DENND2B: variants seen among roughly 807,000 people sequenced by gnomAD.
The protein encoded by DENND2B is DENN domain containing 2B.
In DENND2B, 32 loss-of-function variants were observed where a neutral mutation model predicts 116.0. The ratio of observed to expected loss-of-function variants is 0.28; its 90% CI spans 0.21 to 0.37. The LOEUF (loss-of-function observed/expected upper bound fraction) is 0.37. Among genes scored for constraint, DENND2B ranks in the 10% least tolerant of loss-of-function variants. DENND2B has a pLI of 1.00. For missense variants in DENND2B, 1,276 were observed against 1,477.7 expected, an observed-to-expected ratio of 0.86 and a Z score of 2.24; for synonymous variants, 588 against 583.9, an observed-to-expected ratio of 1.01 and a Z score of -0.10.
intron 1 of DENND2B, among the ~76,000 whole-genome samples, chr11:8,801,170 G>A (rs1432533280): frequency 6.6e-6 from 1 of 151,784 alleles, no homozygotes; most frequent in East Asian, 1.9e-4. Flanking sequence ...CTCAGAGAGG[G>A]GCCCGCTCAG....
chr11:8,867,349 T>C (rs1245687450), intron 2 of DENND2B, among the ~76,000 whole-genome samples: 1 of 152,156 alleles, frequency 6.6e-6, no homozygotes, highest in Non-Finnish European at 1.5e-5. Context: ...ACAATACGAT[T>C]AACTGGTAAG....
intron 4 of DENND2B, among the ~76,000 whole-genome samples, chr11:8,817,788 C>T (rs1291848460): frequency 1.3e-5 from 2 of 152,082 alleles, no homozygotes; most frequent in Non-Finnish European, 2.9e-5. Flanking sequence ...TCTGTGATAA[C>T]GTTAATATAT....
At position 8,816,520 on chromosome 11, in the gene DENND2B, C is replaced by T. The variant is rs139696224; in HGVS notation, c.-114-5185G>A. On this transcript the variant is annotated intron_variant, in intron 4 of 6. Coordinates refer to the DENND2B transcript ENST00000524757. ...GAGACATCATCGCATCACTGCACTA[C>T]AGCCTGGGTGACAGAGCAAAACTGT... Among the ~76,000 whole-genome samples, 4 of 148,128 alleles carry T rather than the reference C, an allele frequency of 2.7e-5. No individual in the cohort carries two copies. The East Asian group carries it at 7.9e-4, about 29-fold the overall frequency.
rs774224264 is a variant in DENND2B, at chr11:8,707,806, G to A, written c.2401C>T (p.Arg801Cys). 1.8e-5 allele frequency: 29 copies of A among 1,611,450 alleles called. No individual in the cohort carries two copies. The highest frequency in any genetic ancestry group is 6.6e-5 in the South Asian group (6 of 90,314). ...GAAAACAAGCCGAAGCAGCCAAGGCGGCTGATGACACAGTACACCTCTGGC... is the reference window on the plus strand; with the variant it reads ...GAAAACAAGCCGAAGCAGCCAAGGCAGCTGATGACACAGTACACCTCTGGC... ...RLPEVYCVIS[R>C]LGCFGLFSKV... Residue 801 changes from arginine to cysteine, a missense_variant, in exon 12 of 20, where the codon CGC becomes TGC. Transcript: ENST00000313726. The surrounding 1 kb of genome is among the most constrained non-coding windows in gnomAD (Gnocchi z 4.8).
At position 8,717,863 on chromosome 11, in the gene DENND2B, C is replaced by G; in HGVS notation, c.1507G>C (p.Asp503His). The G allele has an allele frequency of 1.9e-6, 3 of 1,612,846 alleles. No homozygotes were observed. Among genetic ancestry groups the G allele is most frequent in the Non-Finnish European group, 2.5e-6 (3 of 1,179,378 alleles). Residue 503 changes from aspartate to histidine, a missense_variant, in exon 5 of 20, where the codon GAT (aspartate) becomes CAT (histidine). By Grantham distance (81) the Asp-to-His change is moderately conservative (BLOSUM62 -1). This residue lies in a region of DENND2B where 856 missense variants were observed against 846.6 expected (regional missense o/e 1.01). Coordinates refer to ENST00000313726, the MANE Select transcript of DENND2B (RefSeq NM_213618.2). ...GDLPKENPYEDVDLKSRRAGR... is the reference protein window; with the variant it reads ...GDLPKENPYEHVDLKSRRAGR... ...GCTCTTCGGCTCTTTAAGTCCACAT[C>G]CTCATATGGATTCTCCTTGGGCAGA...
At chr11:8,766,322 C>A (rs1251966904) in intron 1 of DENND2B, among the ~76,000 whole-genome samples, 1 of 152,122 alleles carries the variant, frequency 6.6e-6, no homozygotes, top group Non-Finnish European at 1.5e-5. Flanking sequence ...AGTGCCTGCA[C>A]ACCAGTTATC....
At chr11:8,871,540 TCAAA>T (rs947390566), upstream of DENND2B, 4 of 152,058 alleles carry the variant, frequency 2.6e-5, no homozygotes, top group Non-Finnish European at 5.9e-5. Context: ...CCGCCGGCCT[TCAAA>T]CAAACCGATG....
At chr11:8,909,281 T>C (rs1302239340) in intron 1 of DENND2B, among the ~76,000 whole-genome samples, 1 of 152,178 alleles carries the variant, frequency 6.6e-6, no homozygotes, top group Non-Finnish European at 1.5e-5. Context: ...AGAGGATCGC[T>C]TGAGCCCAGG....
At chr11:8,865,280 A>T (rs2063535422) in intron 2 of DENND2B, among the ~76,000 whole-genome samples, 1 of 152,058 alleles carries the variant, frequency 6.6e-6, no homozygotes, top group Non-Finnish European at 1.5e-5. Context: ...TTTGATGGTA[A>T]TTTTTTTAAA....
chr11:8,849,963 C>G (rs2062950328), intron 3 of DENND2B, among the ~76,000 whole-genome samples: 1 of 150,968 alleles, frequency 6.6e-6, no homozygotes, highest in Non-Finnish European at 1.5e-5. Flanking sequence ...GGTGAAACCC[C>G]GTCTCTAGAA....
chr11:8,847,269 A>G (rs2062848774), intron 3 of DENND2B, among the ~76,000 whole-genome samples: 1 of 152,198 alleles, frequency 6.6e-6, no homozygotes, highest in South Asian at 2.1e-4. Flanking sequence ...TAATCTTAAC[A>G]AGAATGAAAT....
chr11:8,758,803 T>G (rs1447235889), intron 1 of DENND2B, among the ~76,000 whole-genome samples: 1 of 152,070 alleles, frequency 6.6e-6, no homozygotes, highest in Non-Finnish European at 1.5e-5. Flanking sequence ...TCCACTCGGC[T>G]CTAACCTGAC....
chr11:8,726,363 G>T, intron 3 of DENND2B, 154 bp from the exon 4 acceptor site: 1 of 972,370 alleles, frequency 1.0e-6, no homozygotes, highest in East Asian at 2.7e-5. Flanking sequence ...CCATCCAAAT[G>T]AAGAGACAGA....
chr11:8,832,539 T>A (rs933619410), intron 4 of DENND2B: 1 of 151,896 alleles, frequency 6.6e-6, no homozygotes, highest in Non-Finnish European at 1.5e-5. Context: ...AAAAGGGAAT[T>A]CCACCTTCAA....
At chr11:8,885,799 C>T (rs1198215353) in intron 1 of DENND2B, among the ~76,000 whole-genome samples, 2 of 151,978 alleles carry the variant, frequency 1.3e-5, no homozygotes, top group African/African-American at 4.8e-5. Context: ...GGTTCTTTTT[C>T]ATAGTAAAGA....
intron 3 of DENND2B, among the ~76,000 whole-genome samples, chr11:8,850,532 C>T (rs766849310): frequency 1.3e-5 from 2 of 151,340 alleles, no homozygotes; most frequent in Non-Finnish European, 2.9e-5. Context: ...ACCACCAAAA[C>T]GACAAAAGAT....
intron 2 of DENND2B, among the ~76,000 whole-genome samples, chr11:8,865,022 A>T (rs1381075466): frequency 6.6e-6 from 1 of 152,240 alleles, no homozygotes; most frequent in East Asian, 1.9e-4. Context: ...ACAAATTCCC[A>T]GCATATTCTA....
intron 6 of DENND2B, 130 bp from the exon 7 acceptor site, chr11:8,714,836 A>G: frequency 1.4e-6 from 1 of 721,230 alleles, no homozygotes; most frequent in South Asian, 1.8e-5. Context: ...TGGGTCCAGG[A>G]CTGGTCTAAC....
intron 2 of DENND2B, among the ~76,000 whole-genome samples, chr11:8,860,000 G>A (rs1296090406): frequency 6.6e-6 from 1 of 151,928 alleles, no homozygotes; most frequent in Admixed American, 6.6e-5. Flanking sequence ...AAACAATGAA[G>A]CCAAAATATT....
Sources: allele counts gnomAD v4.1 joint callset (sites outside exome capture counted in the v4.1 genomes callset), GRCh38; gene constraint gnomAD v4.1.1; regional missense constraint gnomAD v4.1.1; non-coding constraint Gnocchi (gnomAD v3.1); transcripts MANE v1.5; gene names NCBI Gene and HGNC (gene_info 2026-07-23, HGNC 2026-07-21).